The following MCM4 variants were observed in gnomAD, a reference collection of about 807,000 sequenced individuals.
MCM4 encodes DNA replication licensing factor MCM4.
Under a neutral mutation model 88.7 loss-of-function variants are expected in MCM4, and 60 were observed. The ratio of observed to expected loss-of-function variants is 0.68; its 90% CI spans 0.55 to 0.84. The LOEUF (loss-of-function observed/expected upper bound fraction) is 0.84. Among genes scored for constraint, MCM4 ranks in the 40% least tolerant of loss-of-function variants. The probability of loss-of-function intolerance (pLI) is 0.00; values close to 1 mark genes in which losing one functional copy is unlikely to be tolerated. For missense variants in MCM4, 1,149 were observed against 1,105.5 expected, an observed-to-expected ratio of 1.04 and a Z score of -0.56; for synonymous variants, 465 against 410.5, an observed-to-expected ratio of 1.13 and a Z score of -1.61.
In MCM4 at chr8:47,960,960, C is replaced by G; in HGVS notation, c.-69C>G. 2 of 581,842 alleles carry G rather than the reference C, an allele frequency of 3.4e-6. No individual in the cohort carries two copies. The highest frequency in any genetic ancestry group is 5.6e-6 in the Non-Finnish European group (2 of 359,646). The allele number at this position is 581,842 out of a possible 1,614,324, so 36.0% of individuals were successfully genotyped here. A position where few individuals can be genotyped will look rare whatever the true frequency, so the allele number is the denominator to read the frequency against. Reference sequence around the variant, plus strand: ...GGTCTCGCGGTTTGGGAGCGCTACTCGCCAGGTGGACTCGGAGTCCGCGAG... The same window carrying G: ...GGTCTCGCGGTTTGGGAGCGCTACTGGCCAGGTGGACTCGGAGTCCGCGAG... On this transcript the variant is annotated 5_prime_UTR_variant, in exon 1 of 17. Coordinates refer to ENST00000649973, the MANE Select transcript of MCM4 (RefSeq NM_182746.3).
Position 47,962,804 on chromosome 8 carries a change from A to G in MCM4, c.542A>G (p.Glu181Gly), listed in dbSNP as rs758098625. 1 of 1,609,862 alleles carries G rather than the reference A, an allele frequency of 6.2e-7. No homozygotes were observed. Among genetic ancestry groups the G allele is most frequent in the Non-Finnish European group, 8.5e-7 (1 of 1,179,000 alleles). Residue 181 changes from glutamate (E) to glycine (G), a missense_variant, in exon 6 of 17, where the codon GAA becomes GGA. By Grantham distance (98) the Glu-to-Gly change is moderately conservative. Around this residue, in one of 3 missense-constraint regions of MCM4, gnomAD observed 906 missense variants for 843.0 expected, o/e 1.07. Transcript: ENST00000649973. ...QRFIDPLAKE[E>G]ENVGIDITEP... ...TTTATTGACCCTCTGGCTAAAGAAG[A>G]AGAAAATGTTGGCATAGATATTACT...
In MCM4 at chr8:47,976,880, A is replaced by T; in HGVS notation, c.*102A>T. 1 of 708,646 alleles carries T rather than the reference A, an allele frequency of 1.4e-6. No individual in the cohort carries two copies. The highest frequency in any genetic ancestry group is 2.5e-6 in the Non-Finnish European group (1 of 403,142). The allele number at this position is 708,646 out of a possible 1,614,324, so 43.9% of individuals were successfully genotyped here. On this transcript the variant is annotated 3_prime_UTR_variant, in exon 17 of 17. Transcript: ENST00000649973. ...GCCGCCATCAGTGTAAATAGAGCTT[A>T]AAGTCATGGTTTGGCTGCATAAAAA...
Position 47,963,449 on chromosome 8 carries a change from TCAAA to T in MCM4, c.693+418_693+421del, listed in dbSNP as rs1338994898. On this transcript the variant is annotated intron_variant, in intron 7 of 16. Coordinates refer to ENST00000649973, the MANE Select transcript of MCM4 (RefSeq NM_182746.3). The stretch of plus-strand genomic sequence containing the variant: ...GCCTGGGCAACAGTGAGATTCCATC[TCAAA>T]CAAACAAAAAAAAACTATGTATCAT... 2.0e-5 allele frequency among the ~76,000 whole-genome samples: 3 copies of T among 152,036 alleles called. No homozygotes were observed. The South Asian group carries it at 6.2e-4, about 32-fold the overall frequency.
In MCM4 at chr8:47,974,805, A is replaced by T. The variant is rs146905682; in HGVS notation, c.2208A>T (p.Ser736=). 4.3e-5 allele frequency: 70 copies of T among 1,614,228 alleles called. No homozygotes were observed. In the African/African-American group the frequency reaches 8.5e-4, roughly 20 times the overall value. Residue 736 remains serine, a synonymous_variant, in exon 15 of 17, where the codon TCA becomes TCT. Coordinates refer to ENST00000649973, the MANE Select transcript of MCM4 (RefSeq NM_182746.3). ...CTGCATACCCTCGACAGCTAGAGTC[A>T]TTAATCCGCTTAGCAGAAGCCCATG... The part of the protein sequence containing the change: ...MVSAYPRQLE[S]LIRLAEAHAK...
At chr8:47,963,471 T>G (rs1373984815) in intron 7 of MCM4, among the ~76,000 whole-genome samples, 1 of 152,096 alleles carries the variant, frequency 6.6e-6, no homozygotes, top group African/African-American at 2.4e-5. Flanking sequence ...AAAAAAACTA[T>G]GTATCATCTC....
rs980723406 is a variant in MCM4 at position 47,966,316 on chromosome 8, G to T, written c.962G>T (p.Arg321Leu). Residue 321 changes from arginine to leucine, a missense_variant, in exon 9 of 17, where the codon CGC becomes CTC. Physicochemically the swap from Arg to Leu is moderately radical, Grantham distance 102 (BLOSUM62 -2). Coordinates refer to ENST00000649973, the MANE Select transcript of MCM4 (RefSeq NM_182746.3). ...HTTRVEMDRG[R>L]IAEPSVCGRC... ...ACCCGGGTGGAGATGGACCGCGGCCGCATTGCAGAGCCCAGTGTGTGCGGG... is the reference window on the plus strand; with the variant it reads ...ACCCGGGTGGAGATGGACCGCGGCCTCATTGCAGAGCCCAGTGTGTGCGGG... 1.2e-6 allele frequency: 2 copies of T among 1,613,992 alleles called. No individual in the cohort carries two copies. Among genetic ancestry groups the T allele is most frequent in the Non-Finnish European group, 1.7e-6 (2 of 1,180,036 alleles).
intron 2 of MCM4, 32 bp downstream of exon 2, chr8:47,961,246 C>G: frequency 1.4e-6 from 2 of 1,459,376 alleles, no homozygotes; most frequent in Non-Finnish European, 1.8e-6. Flanking sequence ...CACTACAGCC[C>G]CCGGCGCCGC....
intron 11 of MCM4, 112 bp downstream of exon 11, chr8:47,970,169 C>G (rs891230739): frequency 4.4e-5 from 56 of 1,278,520 alleles, no homozygotes; most frequent in Admixed American, 1.9e-4. Flanking sequence ...GAGTTGTGGC[C>G]TGTTAGAGCA....
In MCM4 at chr8:47,963,408, G is replaced by A. The variant is rs571328061; in HGVS notation, c.693+368G>A. 3.3e-5 allele frequency among the ~76,000 whole-genome samples: 5 copies of A among 152,092 alleles called. No homozygotes were observed. In the South Asian group the frequency reaches 8.3e-4, roughly 25 times the overall value. ...GGCAGAGGTGCAGTGAGCCGAGATG[G>A]CACCACTGCTCTCCAGCCTGGGCAA... On this transcript the variant is annotated intron_variant, in intron 7 of 16. Transcript: ENST00000649973.
chr8:47,961,901 TAGAA>T, intron 3 of MCM4, 148 bp from the exon 4 acceptor site: 1 of 905,470 alleles, frequency 1.1e-6, no homozygotes, highest in Admixed American at 2.8e-5. Context: ...TTTTTTTTAA[TAGAA>T]CATTTAAGAG....
rs771032555 is a variant in MCM4, at chr8:47,962,417, T to C, written c.501+11T>C. 12 of 1,612,974 alleles carry C rather than the reference T, an allele frequency of 7.4e-6. No individual in the cohort carries two copies. In the Admixed American group the frequency reaches 2.0e-4, roughly 27 times the overall value. On this transcript the variant is annotated intron_variant, in intron 5 of 16. Coordinates refer to ENST00000649973, the MANE Select transcript of MCM4 (RefSeq NM_182746.3). ...AAAGAAAACTTTCAGGTGAGCTACA[T>C]GTATTAAAATTCTTACTTTGGGCTC...
chr8:47,972,642 C>T (rs1252925813), intron 13 of MCM4, among the ~76,000 whole-genome samples: 2 of 152,094 alleles, frequency 1.3e-5, no homozygotes, highest in East Asian at 3.9e-4. Flanking sequence ...CCGCAACCTT[C>T]GCCTTCCAGG....
At position 47,975,536 on chromosome 8, in the gene MCM4, A is replaced by G. The variant is rs117550606; in HGVS notation, c.2366-179A>G. 4.7e-3 allele frequency: 2,113 copies of G among 452,622 alleles called. 8 individuals carry two copies. The highest frequency in any genetic ancestry group is 6.4e-3 in the Non-Finnish European group (1,658 of 260,706). The allele number at this position is 452,622 out of a possible 1,614,324, so 28.0% of individuals were successfully genotyped here. A position where few individuals can be genotyped will look rare whatever the true frequency, so the allele number is the denominator to read the frequency against. Reference sequence around the variant, plus strand: ...CACAGATGTGTAGACTGTTAAGGAAAGCAGCAGCTAGTGGCTTACAGAAAT... The same window carrying G: ...CACAGATGTGTAGACTGTTAAGGAAGGCAGCAGCTAGTGGCTTACAGAAAT... On this transcript the variant is annotated intron_variant, in intron 15 of 16. Coordinates refer to ENST00000649973, the MANE Select transcript of MCM4 (RefSeq NM_182746.3).
At chr8:47,969,693 A>G (rs2154505288) in intron 10 of MCM4, 105 bp from the exon 11 acceptor site, 2 of 1,177,800 alleles carry the variant, frequency 1.7e-6, no homozygotes, top group Non-Finnish European at 2.5e-6. Context: ...GGCCAGCCCG[A>G]CGTGGTGCCT....
intron 12 of MCM4, 103 bp downstream of exon 12, chr8:47,970,979 G>T: frequency 1.5e-6 from 2 of 1,375,080 alleles, no homozygotes; most frequent in South Asian, 2.9e-5. Flanking sequence ...GTTCTAACTT[G>T]GGGAGATTGA....
Position 47,967,404 on chromosome 8 carries a change from C to T in MCM4, c.1093C>T (p.Gln365Ter), listed in dbSNP as rs2090909870. 1 of 1,614,222 alleles carries T rather than the reference C, an allele frequency of 6.2e-7. No homozygotes were observed. Among genetic ancestry groups the T allele is most frequent in the Non-Finnish European group, 8.5e-7 (1 of 1,180,028 alleles). ...QESPEDMPAG[Q>*]TPHTVILFAH... ...GTCTCCGGAAGACATGCCTGCAGGG[C>T]AGACACCACACACAGTTATCCTGTT... Residue 365 changes from glutamine (Q) to a stop codon, truncating the protein, a stop_gained, in exon 10 of 17, where the codon CAG becomes TAG. Transcript: ENST00000649973. LOFTEE classifies it high-confidence loss of function.
At chr8:47,969,478 G>A (rs1051469393) in intron 10 of MCM4, 8 of 292,318 alleles carry the variant, frequency 2.7e-5, no homozygotes, top group Non-Finnish European at 5.2e-5. Flanking sequence ...GGGTGGTCTC[G>A]AACTCCCAAC....
chr8:47,976,617 A>C (rs1163362553), intron 16 of MCM4, 69 bp from the exon 17 acceptor site: 1 of 1,098,656 alleles, frequency 9.1e-7, no homozygotes, highest in African/African-American at 1.5e-5. Context: ...CATTATAATT[A>C]TTGTGTTTCT....
Position 47,966,277 on chromosome 8 carries a change from T to C in MCM4, c.923T>C (p.Val308Ala). The change falls in exon 9 of 17, where the codon GTG (valine) becomes GCG (alanine). Residue 308 changes from valine (V) to alanine (A), a missense_variant. Around this residue, in one of 3 missense-constraint regions of MCM4, gnomAD observed 906 missense variants for 843.0 expected, o/e 1.07. Coordinates refer to ENST00000649973, the MANE Select transcript of MCM4 (RefSeq NM_182746.3). Reference sequence around the variant, plus strand: ...CAGGAGGCCTTCTTCCAGTGCCAAGTGTGTGCCCACACGACCCGGGTGGAG... The same window carrying C: ...CAGGAGGCCTTCTTCCAGTGCCAAGCGTGTGCCCACACGACCCGGGTGGAG... ...EMQEAFFQCQ[V>A]CAHTTRVEMD... is the part of the protein sequence containing the mutation. 1.9e-6 allele frequency: 3 copies of C among 1,614,056 alleles called. No homozygotes were observed. Among genetic ancestry groups the C allele is most frequent in the Non-Finnish European group, 2.5e-6 (3 of 1,180,012 alleles).
Sources: allele counts gnomAD v4.1 joint callset (sites outside exome capture counted in the v4.1 genomes callset), GRCh38; gene constraint gnomAD v4.1.1; regional missense constraint gnomAD v4.1.1; transcripts MANE v1.5; gene names NCBI Gene and HGNC (gene_info 2026-07-23, HGNC 2026-07-21).